PLAC1: variants seen among roughly 807,000 people sequenced by gnomAD.
The protein encoded by PLAC1 is placenta-specific protein 1.
For synonymous variants in PLAC1, 68 were observed against 62.1 expected (o/e 1.09, Z -0.44); for missense variants, 136 against 163.2 (o/e 0.83, Z 0.91).
intron 2 of PLAC1, among the ~76,000 whole-genome samples, chrX:134,688,561 C>T (rs2078526181): frequency 8.9e-6 from 1 of 112,182 alleles, no homozygotes. Context: ...GGAAATTACA[C>T]CATGGTTTTT....
At chrX:134,654,368 G>A (rs779479479) in intron 1 of PLAC1, among the ~76,000 whole-genome samples, 97 of 112,251 alleles carry the variant, frequency 8.6e-4, no homozygotes, top group Middle Eastern at 4.6e-3. Flanking sequence ...CTTACGATCA[G>A]GCAAGTTCAG....
At chrX:134,678,983 G>C (rs1245138996) in intron 2 of PLAC1, among the ~76,000 whole-genome samples, 1 of 111,498 alleles carries the variant, frequency 9.0e-6, no homozygotes, top group Non-Finnish European at 1.9e-5. Context: ...GGAGTACCTG[G>C]AGCCAGCAGA....
chrX:134,651,778 C>T (rs2078364774), intron 1 of PLAC1, among the ~76,000 whole-genome samples: 1 of 106,247 alleles, frequency 9.4e-6, no homozygotes, highest in Non-Finnish European at 1.9e-5. Context: ...TGCCAGTCAT[C>T]CCCCACTTGG....
At chrX:134,758,639 C>T (rs1602954709) in intron 1 of PLAC1, among the ~76,000 whole-genome samples, 2 of 111,757 alleles carry the variant, frequency 1.8e-5, no homozygotes, top group African/African-American at 3.3e-5. Context: ...ATACAAAAAT[C>T]GACTCAAAAT....
chrX:134,566,801 G>A, intron 2 of PLAC1, 61 bp from the exon 3 acceptor site: 1 of 570,400 alleles, frequency 1.8e-6, no homozygotes, highest in Non-Finnish European at 2.7e-6. Context: ...GTTCAAACAT[G>A]ATATATTTTT....
chrX:134,663,450 G>C (rs973840517), upstream of PLAC1, among the ~76,000 whole-genome samples: 2 of 112,962 alleles, frequency 1.8e-5, no homozygotes, highest in South Asian at 7.2e-4. Context: ...GTGTGTGTGC[G>C]CGCACGCGCG....
intron 1 of PLAC1, among the ~76,000 whole-genome samples, chrX:134,748,542 T>A (rs1015566767): frequency 2.7e-5 from 3 of 111,766 alleles, no homozygotes; most frequent in African/African-American, 9.8e-5. Context: ...TTGGAAGATA[T>A]TTAACAAATG....
intron 1 of PLAC1, among the ~76,000 whole-genome samples, chrX:134,758,125 A>G (rs1179109675): frequency 9.1e-6 from 1 of 110,460 alleles, no homozygotes; most frequent in Non-Finnish European, 1.9e-5. Flanking sequence ...GGAAAACTAC[A>G]AACACTGATA....
chrX:134,650,960 T>A, intron 1 of PLAC1: 1 of 227,445 alleles, frequency 4.4e-6, no homozygotes, highest in Non-Finnish European at 9.2e-6. Context: ...GGGAGCTGAA[T>A]ATCACAGCAG....
At chrX:134,701,772 C>A (rs2078584094) in intron 2 of PLAC1, among the ~76,000 whole-genome samples, 1 of 112,327 alleles carries the variant, frequency 8.9e-6, no homozygotes, top group African/African-American at 3.2e-5. Flanking sequence ...AATCCCAGAA[C>A]TTTGGGAGCC....
chrX:134,663,759 T>A (rs1274393031), intron 2 of PLAC1, among the ~76,000 whole-genome samples: 1 of 112,608 alleles, frequency 8.9e-6, no homozygotes, highest in Non-Finnish European at 1.9e-5. Context: ...CATTTCACTT[T>A]GGTGACAAAT....
In PLAC1 at chrX:134,584,018, G is replaced by GAA. The variant is rs760343006; in HGVS notation, c.-58-17280_-58-17279dup. On this transcript the variant is annotated intron_variant, in intron 2 of 2. Coordinates refer to ENST00000359237, the MANE Select transcript of PLAC1 (RefSeq NM_021796.4). ...TTGAGGAATGTATGTACAAGTGAAT[G>GAA]AAAAAAAAAAAAAAGAGGTTGCAGG... is the stretch of plus-strand genomic sequence containing the variant. Among the ~76,000 whole-genome samples, 916 of 92,813 alleles carry GAA rather than the reference G, an allele frequency of 9.9e-3. 15 individuals are homozygous for GAA. Among genetic ancestry groups the GAA allele is most frequent in the African/African-American group, 0.032 (814 of 25,176 alleles). The allele number at this position is 92,813 out of a possible 115,157, so 80.6% of individuals were successfully genotyped here. A position where few individuals can be genotyped will look rare whatever the true frequency, so the allele number is the denominator to read the frequency against.
At chrX:134,652,094 A>C (rs1471402718) in intron 1 of PLAC1, among the ~76,000 whole-genome samples, 2 of 111,358 alleles carry the variant, frequency 1.8e-5, no homozygotes, top group Non-Finnish European at 3.8e-5. Flanking sequence ...GCAGCAGAGG[A>C]ACTTGAGCCT....
rs149262094 is a variant in PLAC1, at chrX:134,666,275, T to C, written n.175-64153A>G. ...GGGAGGTCATGTTCCCTTTCTGTCC[T>C]GGGCAGTCTGCTGCAACTGTGAGGT... On this transcript the variant is annotated intron_variant and non_coding_transcript_variant, in intron 2 of 2. Coordinates refer to the PLAC1 transcript ENST00000466797. Among the ~76,000 whole-genome samples the C allele has an allele frequency of 8.7e-3, 965 of 111,450 alleles. 11 individuals are homozygous for C. Among genetic ancestry groups the C allele is most frequent in the African/African-American group, 0.03 (928 of 30,632 alleles).
At chrX:134,727,234 G>A (rs2078677313) in intron 2 of PLAC1, among the ~76,000 whole-genome samples, 1 of 111,886 alleles carries the variant, frequency 8.9e-6, no homozygotes, top group South Asian at 3.7e-4. Context: ...TCTCTCTCAA[G>A]TGACATGGAT....
At chrX:134,584,360 T>C (rs17251909) in intron 2 of PLAC1, among the ~76,000 whole-genome samples, 5,067 of 111,676 alleles carry the variant, frequency 0.045, 138 homozygotes, top group Non-Finnish European at 0.072. Flanking sequence ...GAGATTCCCT[T>C]CTTGTCCTGA....
chrX:134,567,063 C>T (rs1452601855), intron 2 of PLAC1, among the ~76,000 whole-genome samples: 1 of 112,208 alleles, frequency 8.9e-6, no homozygotes, highest in African/African-American at 3.2e-5. Context: ...GTTTTTGTGT[C>T]AAACGTTGAA....
intron 1 of PLAC1, among the ~76,000 whole-genome samples, chrX:134,609,860 C>T (rs1315582166): frequency 2.7e-5 from 3 of 111,999 alleles, no homozygotes; most frequent in South Asian, 3.7e-4. Context: ...TCCCTGAAGC[C>T]CCACCTCCAA....
intron 2 of PLAC1, among the ~76,000 whole-genome samples, chrX:134,600,420 G>A (rs2078082985): frequency 1.8e-5 from 2 of 111,741 alleles, no homozygotes; most frequent in Non-Finnish European, 3.8e-5. Context: ...ACCCACCTTG[G>A]CCTCCCAAAG....
Sources: allele counts gnomAD v4.1 joint callset (sites outside exome capture counted in the v4.1 genomes callset), GRCh38; gene constraint gnomAD v4.1.1; transcripts MANE v1.5; gene names NCBI Gene and HGNC (gene_info 2026-07-23, HGNC 2026-07-21).